PLCD4: variants seen among roughly 807,000 people sequenced by gnomAD.
PLCD4 encodes 1-phosphatidylinositol 4,5-bisphosphate phosphodiesterase delta-4.
A neutral mutation model predicts 90.2 loss-of-function variants in PLCD4; 63 were observed. The observed-to-expected ratio is 0.70, with a 90% CI of 0.57 to 0.86. PLCD4 has a LOEUF of 0.86. Among genes scored for constraint, PLCD4 ranks in the 40% least tolerant of loss-of-function variants. The pLI is 0.00. For synonymous variants in PLCD4, 294 were observed against 356.5 expected (o/e 0.82, Z 1.97); for missense variants, 830 against 956.3 (o/e 0.87, Z 1.74).
At chr2:218,628,374 A>G (rs1268045176) in intron 7 of PLCD4, 144 bp downstream of exon 7, 1 of 722,778 alleles carries the variant, frequency 1.4e-6, no homozygotes, top group African/African-American at 1.7e-5. Flanking sequence ...CACTTGGAGG[A>G]GATATTGAAG....
At chr2:218,636,443 C>T in intron 15 of PLCD4, 28 bp from the exon 16 acceptor site, 1 of 1,614,012 alleles carries the variant, frequency 6.2e-7, no homozygotes, top group Non-Finnish European at 8.5e-7. Flanking sequence ...TGGCTGCCTT[C>T]CTAATGCTGT....
At chr2:218,614,628 T>A (rs1283521816) in intron 1 of PLCD4, among the ~76,000 whole-genome samples, 4 of 151,574 alleles carry the variant, frequency 2.6e-5, no homozygotes, top group African/African-American at 9.7e-5. Flanking sequence ...TTTTTTGTAT[T>A]ACTAGTGAGA....
Position 218,628,037 on chromosome 2 carries a change from CG to C in PLCD4, c.783del (p.His262MetfsTer3). 5 of 1,612,822 alleles carry C rather than the reference CG, an allele frequency of 3.1e-6. No homozygotes were observed. Among genetic ancestry groups the C allele is most frequent in the Non-Finnish European group, 3.4e-6 (4 of 1,179,208 alleles). ...CCCTGTCCACACTCCAGGCAAACTG[CG>C]GCATGTGCTGAGTATGGATGGCTTC... The part of the protein sequence containing the change: ...RYEPSDSGKL[R>X]HVLSMDGFLS... On this transcript the variant is annotated frameshift_variant, in exon 7 of 16. Coordinates refer to ENST00000450993, the MANE Select transcript of PLCD4 (RefSeq NM_032726.4). LOFTEE classifies it high-confidence loss of function.
chr2:218,611,102 C>A (rs570492404), intron 1 of PLCD4, among the ~76,000 whole-genome samples: 1 of 152,296 alleles, frequency 6.6e-6, no homozygotes, highest in East Asian at 1.9e-4. Context: ...CTTCACCTAA[C>A]CTTTCTAGTC....
chr2:218,618,654 C>G lies in PLCD4; in HGVS notation c.257C>G (p.Pro86Arg). The change falls in exon 4 of 16, where the codon CCC becomes CGC. Residue 86 changes from proline to arginine, a missense_variant. Physicochemically the swap from Pro to Arg is moderately radical, Grantham distance 103 (BLOSUM62 -2). Coordinates refer to ENST00000450993, the MANE Select transcript of PLCD4 (RefSeq NM_032726.4). ...ELLRSLAEEL[P>R]LEQGFTIVFH... The stretch of plus-strand genomic sequence containing the variant: ...CTGCGTAGCCTGGCAGAGGAGCTCC[C>G]CCTGGAGCAGGGCTTCACCATTGTC... 1 of 1,614,058 alleles carries G rather than the reference C, an allele frequency of 6.2e-7. No homozygotes were observed. Among genetic ancestry groups the G allele is most frequent in the South Asian group, 1.1e-5 (1 of 91,090 alleles).
rs1364634269 is a variant in PLCD4 at position 218,630,812 on chromosome 2, CTG to C, written c.1272+12_1272+13del. ...GCTGCCCTCGCCTGAGGTAGGGACA[CTG>C]TTCCTCCAGCCCAGGCTCTGCTGTG... On this transcript the variant is annotated intron_variant, in intron 9 of 15. Transcript: ENST00000450993. The C allele has an allele frequency of 1.2e-6, 2 of 1,605,566 alleles. No individual in the cohort carries two copies. Among genetic ancestry groups the C allele is most frequent in the East Asian group, 4.5e-5 (2 of 44,720 alleles).
chr2:218,629,779 T>C (rs1289682674), intron 8 of PLCD4, 116 bp downstream of exon 8: 3 of 1,161,240 alleles, frequency 2.6e-6, no homozygotes, highest in Non-Finnish European at 3.6e-6. Context: ...AAAGAGGATT[T>C]AACTGTAAAG....
chr2:218,609,077 A>G (rs1359883393), intron 1 of PLCD4, among the ~76,000 whole-genome samples: 1 of 150,566 alleles, frequency 6.6e-6, no homozygotes, highest in Admixed American at 6.7e-5. Context: ...CGGGGGGCGG[A>G]GCCTGCAGTG....
intron 15 of PLCD4, 33 bp downstream of exon 15, chr2:218,636,425 C>T (rs1052553116): frequency 7.4e-6 from 12 of 1,613,854 alleles, no homozygotes; most frequent in Non-Finnish European, 1.0e-5. Context: ...TGGCCAATAC[C>T]CCAGCTCTGG....
chr2:218,622,842 C>A lies in PLCD4; in HGVS notation c.736C>A (p.Leu246Met). The change falls in exon 6 of 16, where the codon CTG (leucine) becomes ATG (methionine). Residue 246 changes from leucine to methionine, a missense_variant. Transcript: ENST00000450993. The part of the protein sequence containing the change: ...KERDCTSELA[L>M]ELIDRYEPSD... ...GAGAGACTGCACCTCTGAGCTTGCTCTGGAACTCATTGACCGCTATGAACC... is the reference window on the plus strand; with the variant it reads ...GAGAGACTGCACCTCTGAGCTTGCTATGGAACTCATTGACCGCTATGAACC... The A allele has an allele frequency of 6.2e-7, 1 of 1,614,006 alleles. No individual in the cohort carries two copies. The highest frequency in any genetic ancestry group is 8.5e-7 in the Non-Finnish European group (1 of 1,179,892).
chr2:218,617,592 A>G (rs1387283777), intron 3 of PLCD4, among the ~76,000 whole-genome samples: 1 of 103,664 alleles, frequency 9.6e-6, no homozygotes, highest in Non-Finnish European at 2.2e-5. Flanking sequence ...AACAAAATAA[A>G]ACAAAAAAAA....
At chr2:218,630,885 T>G in intron 9 of PLCD4, 83 bp downstream of exon 9, 1 of 1,405,706 alleles carries the variant, frequency 7.1e-7, no homozygotes, top group South Asian at 1.5e-5. Context: ...TGCCCCTCTT[T>G]GTTCCCTTCT....
chr2:218,622,956 A>G, intron 6 of PLCD4, 78 bp downstream of exon 6: 1 of 1,295,440 alleles, frequency 7.7e-7, no homozygotes, highest in Non-Finnish European at 1.1e-6. Context: ...AGAGACAAGC[A>G]GCCATCTGCC....
Position 218,637,092 on chromosome 2 carries a change from TAAGAG to T in PLCD4, c.*518_*522del, listed in dbSNP as rs1696809524. 5 of 362,468 alleles carry T rather than the reference TAAGAG, an allele frequency of 1.4e-5. No homozygotes were observed. The highest frequency in any genetic ancestry group is 1.1e-5 in the Non-Finnish European group (2 of 185,228). 22.5% of individuals were successfully genotyped at this position (362,468 alleles called of 1,614,324 possible). ...GACCCCAGGACTGTACTACGACTCT[TAAGAG>T]AACACTGCACAGCACTCAAAGTCCC... On this transcript the variant is annotated 3_prime_UTR_variant, in exon 16 of 16. Transcript: ENST00000450993.
chr2:218,619,792 G>T (rs892212676), intron 4 of PLCD4, among the ~76,000 whole-genome samples: 1 of 152,186 alleles, frequency 6.6e-6, no homozygotes, highest in Non-Finnish European at 1.5e-5. Context: ...AAATTAAGAA[G>T]TTAACTGAAA....
At chr2:218,621,121 G>A (rs1184415005) in intron 4 of PLCD4, among the ~76,000 whole-genome samples, 1 of 152,108 alleles carries the variant, frequency 6.6e-6, no homozygotes, top group Non-Finnish European at 1.5e-5. Context: ...TAGTGGAGAT[G>A]GGATTTCACC....
chr2:218,614,553 G>A (rs964074164), intron 1 of PLCD4, among the ~76,000 whole-genome samples: 9 of 151,994 alleles, frequency 5.9e-5, no homozygotes, highest in African/African-American at 1.7e-4. Context: ...AGGTTCAAGC[G>A]ATTCTCCTGC....
At position 218,615,517 on chromosome 2, in the gene PLCD4, C is replaced by A. The variant is rs114404181; in HGVS notation, c.-33-190C>A. Among the ~76,000 whole-genome samples the A allele has an allele frequency of 8.0e-3, 1,223 of 152,258 alleles. 10 individuals are homozygous for A. Among genetic ancestry groups the A allele is most frequent in the Non-Finnish European group, 0.013 (896 of 68,028 alleles). On this transcript the variant is annotated intron_variant, in intron 1 of 15. Coordinates refer to ENST00000450993, the MANE Select transcript of PLCD4 (RefSeq NM_032726.4). ...TGGTTTACCCTTCTCTGAAGATAGC[C>A]ATGGGAAATAGCAGAGGCTCTGGGA... is the stretch of plus-strand genomic sequence containing the variant.
At position 218,633,658 on chromosome 2, in the gene PLCD4, G is replaced by A; in HGVS notation, c.1503G>A (p.Lys501=). 1.9e-6 allele frequency: 3 copies of A among 1,613,504 alleles called. No homozygotes were observed. The South Asian group carries it at 3.3e-5, about 18-fold the overall frequency. The part of the protein sequence containing the change: ...PALSSLVIYL[K]SVSFRSFTHS... ...TCTCTTCCCTGGTTATCTACTTGAAGTCTGTCTCATTCCGCAGCTTCACAC... is the reference window on the plus strand; with the variant it reads ...TCTCTTCCCTGGTTATCTACTTGAAATCTGTCTCATTCCGCAGCTTCACAC... The change falls in exon 11 of 16, where the codon AAG becomes AAA. Residue 501 remains lysine (K), a synonymous_variant. Transcript: ENST00000450993.
Sources: allele counts gnomAD v4.1 joint callset (sites outside exome capture counted in the v4.1 genomes callset), GRCh38; gene constraint gnomAD v4.1.1; transcripts MANE v1.5; gene names NCBI Gene and HGNC (gene_info 2026-07-23, HGNC 2026-07-21).